Variants in IL1RAPL1 observed in about 807,000 individuals in gnomAD.
The protein encoded by IL1RAPL1 is interleukin-1 receptor accessory protein-like 1.
In IL1RAPL1, 3 loss-of-function variants were observed where a neutral mutation model predicts 48.4. The ratio of observed to expected loss-of-function variants is 0.06; its 90% CI spans 0.03 to 0.16. The LOEUF is 0.16. Among genes scored for constraint, IL1RAPL1 ranks in the 10% least tolerant of loss-of-function variants. The pLI is 1.00. For synonymous variants in IL1RAPL1, 185 were observed against 187.7 expected (o/e 0.99, Z 0.12); for missense variants, 349 against 530.6 (o/e 0.66, Z 3.36).
intron 5 of IL1RAPL1, among the ~76,000 whole-genome samples, chrX:29,616,407 C>T (rs1924287542): frequency 9.3e-6 from 1 of 107,948 alleles, no homozygotes; most frequent in African/African-American, 3.4e-5. Context: ...TATACATGTG[C>T]CGTGTTCGTG....
At chrX:28,666,533 AT>A (rs901951381) in intron 1 of IL1RAPL1, among the ~76,000 whole-genome samples, 25 of 111,867 alleles carry the variant, frequency 2.2e-4, no homozygotes, top group African/African-American at 3.2e-4. Context: ...TTTTGAATAA[AT>A]TTTTTTTGTT....
At chrX:29,849,360 G>A (rs947282502) in intron 6 of IL1RAPL1, among the ~76,000 whole-genome samples, 7 of 111,178 alleles carry the variant, frequency 6.3e-5, no homozygotes, top group Non-Finnish European at 9.4e-5. Flanking sequence ...TGTATTATAA[G>A]GAAGAGACTC....
At chrX:29,611,530 A>C in intron 5 of IL1RAPL1, among the ~76,000 whole-genome samples, 1 of 111,214 alleles carries the variant, frequency 9.0e-6, no homozygotes, top group Non-Finnish European at 1.9e-5. Context: ...CTGTACCCTG[A>C]CCACCTTGGG....
At chrX:29,198,264 T>C (rs1360984059) in intron 2 of IL1RAPL1, among the ~76,000 whole-genome samples, 1 of 110,377 alleles carries the variant, frequency 9.1e-6, no homozygotes, top group African/African-American at 3.3e-5. Flanking sequence ...CCGCTAGATT[T>C]GGCAAAAAAG....
intron 2 of IL1RAPL1, among the ~76,000 whole-genome samples, chrX:28,839,907 TAAGTA>T (rs1349177300): frequency 1.8e-5 from 2 of 110,557 alleles, no homozygotes; most frequent in African/African-American, 6.5e-5. Context: ...AAAGAACAAG[TAAGTA>T]AAGTGGCATT....
At chrX:28,697,807 T>C (rs182346541) in intron 1 of IL1RAPL1, among the ~76,000 whole-genome samples, 49 of 111,296 alleles carry the variant, frequency 4.4e-4, no homozygotes, top group Non-Finnish European at 7.6e-4. Context: ...GGCCACTGCT[T>C]TTTAGAGATA....
intron 1 of IL1RAPL1, among the ~76,000 whole-genome samples, chrX:28,709,238 G>T (rs112153883): frequency 0.011 from 1,209 of 112,307 alleles, 12 homozygotes; most frequent in African/African-American, 0.037. Context: ...TGTTATAAAT[G>T]AGGGCATTTA....
At chrX:29,043,652 C>G (rs1335509048) in intron 2 of IL1RAPL1, among the ~76,000 whole-genome samples, 2 of 111,304 alleles carry the variant, frequency 1.8e-5, no homozygotes, top group Non-Finnish European at 3.8e-5. Flanking sequence ...CATGAACACC[C>G]AACTGTGTCA....
Position 29,591,507 on chromosome X carries a change from A to G in IL1RAPL1, c.704-76923A>G, listed in dbSNP as rs181390844. Among the ~76,000 whole-genome samples, 563 of 111,838 alleles carry G rather than the reference A, an allele frequency of 5.0e-3. 2 individuals are homozygous for G. Among genetic ancestry groups the G allele is most frequent in the Non-Finnish European group, 7.1e-3 (376 of 53,083 alleles). ...GGAGAGCAAGTCACCAGTCGGGAGG[A>G]GCAGAGGGGGCACCATAGTGGGGAC... is the stretch of plus-strand genomic sequence containing the variant. On this transcript the variant is annotated intron_variant, in intron 5 of 10. Coordinates refer to ENST00000378993, the MANE Select transcript of IL1RAPL1 (RefSeq NM_014271.4).
chrX:28,925,010 AT>A (rs202077716), intron 2 of IL1RAPL1, among the ~76,000 whole-genome samples: 24 of 110,632 alleles, frequency 2.2e-4, no homozygotes, highest in Middle Eastern at 4.6e-3. Flanking sequence ...GTTGAGAGGA[AT>A]TTTTTTTTCA....
intron 2 of IL1RAPL1, among the ~76,000 whole-genome samples, chrX:29,067,232 T>G (rs183393236): frequency 3.6e-5 from 4 of 111,749 alleles, no homozygotes; most frequent in African/African-American, 9.8e-5. Context: ...GGATCCCTGT[T>G]GCATAAAGAT....
Position 29,427,003 on chromosome X carries a change from A to ATT in IL1RAPL1, c.703+27695_703+27696insTT, listed in dbSNP as rs1422375763. ...TTGGATTTTAAAAACCTTTTTAAAA[A>ATT]AAAAAAAAAAAGATTTGCATATTAT... On this transcript the variant is annotated intron_variant, in intron 5 of 10. Transcript: ENST00000378993. 5.7e-3 allele frequency among the ~76,000 whole-genome samples: 600 copies of ATT among 104,965 alleles called. 2 individuals are homozygous for ATT. Among genetic ancestry groups the ATT allele is most frequent in the African/African-American group, 0.015 (412 of 28,092 alleles). The allele number at this position is 104,965 out of a possible 115,157, so 91.1% of individuals were successfully genotyped here.
At chrX:29,655,184 A>G (rs1295183869) in intron 5 of IL1RAPL1, among the ~76,000 whole-genome samples, 1 of 111,678 alleles carries the variant, frequency 9.0e-6, no homozygotes, top group Non-Finnish European at 1.9e-5. Context: ...CCTACAGTAA[A>G]AGTTTCACTA....
At chrX:28,757,602 C>A (rs780952254) in intron 1 of IL1RAPL1, among the ~76,000 whole-genome samples, 6 of 111,480 alleles carry the variant, frequency 5.4e-5, no homozygotes, top group African/African-American at 1.6e-4. Flanking sequence ...TGCACCGCAG[C>A]AGGACACCAC....
chrX:28,922,715 A>G (rs1923644614), intron 2 of IL1RAPL1, among the ~76,000 whole-genome samples: 1 of 112,091 alleles, frequency 8.9e-6, no homozygotes, highest in South Asian at 3.7e-4. Flanking sequence ...AAAGAAGACA[A>G]ATATCAAAGA....
chrX:29,247,657 C>T (rs1033468169), intron 2 of IL1RAPL1, among the ~76,000 whole-genome samples: 3 of 110,956 alleles, frequency 2.7e-5, no homozygotes, highest in Non-Finnish European at 5.7e-5. Context: ...TGGCGGGCGC[C>T]TATAATCCCA....
At chrX:29,196,306 G>C (rs755900661) in intron 2 of IL1RAPL1, among the ~76,000 whole-genome samples, 17 of 112,104 alleles carry the variant, frequency 1.5e-4, no homozygotes, top group Non-Finnish European at 2.6e-4. Context: ...TTCTAGCTCA[G>C]TAATAACAAT....
intron 2 of IL1RAPL1, among the ~76,000 whole-genome samples, chrX:28,897,507 G>T (rs1387709043): frequency 2.8e-5 from 3 of 108,858 alleles, no homozygotes; most frequent in Non-Finnish European, 5.8e-5. Flanking sequence ...AGGAGAAAGA[G>T]GTTGAGGGAT....
chrX:29,722,424 A>C lies in IL1RAPL1; in HGVS notation c.778+53920A>C, dbSNP rs141937391. Reference sequence around the variant, plus strand: ...ACCTACATTTTCTCCCAGTGCTCTTAAAATTAACTGCAATATATCTGAATC... The same window carrying C: ...ACCTACATTTTCTCCCAGTGCTCTTCAAATTAACTGCAATATATCTGAATC... On this transcript the variant is annotated intron_variant, in intron 6 of 10. Transcript: ENST00000378993. Among the ~76,000 whole-genome samples the C allele has an allele frequency of 3.3e-3, 367 of 112,458 alleles. 1 individual carries two copies. Among genetic ancestry groups the C allele is most frequent in the African/African-American group, 9.2e-3 (287 of 31,061 alleles).
Sources: allele counts gnomAD v4.1 joint callset (sites outside exome capture counted in the v4.1 genomes callset), GRCh38; gene constraint gnomAD v4.1.1; transcripts MANE v1.5; gene names NCBI Gene and HGNC (gene_info 2026-07-23, HGNC 2026-07-21).